GALNTL6: variants seen among roughly 807,000 people sequenced by gnomAD.
The protein encoded by GALNTL6 is polypeptide N-acetylgalactosaminyltransferase like 6.
In GALNTL6, 46 loss-of-function variants were observed where a neutral mutation model predicts 73.7. That is an observed-to-expected ratio of 0.62 (90% CI 0.49 to 0.80). The LOEUF is 0.80. Among genes scored for constraint, GALNTL6 ranks in the 30% least tolerant of loss-of-function variants. The pLI, the probability that GALNTL6 is intolerant of heterozygous loss-of-function variation, is 0.00. For synonymous variants in GALNTL6, 259 were observed against 263.7 expected, an observed-to-expected ratio of 0.98 and a Z score of 0.17; for missense variants, 604 against 755.0, an observed-to-expected ratio of 0.80 and a Z score of 2.34.
intron 3 of GALNTL6, among the ~76,000 whole-genome samples, chr4:172,251,941 C>T (rs1024827206): frequency 5.9e-5 from 9 of 151,912 alleles, no homozygotes; most frequent in African/African-American, 1.2e-4. Flanking sequence ...ACGTGGCTTT[C>T]GATTTATAGA....
At chr4:172,719,848 C>T (rs1482863377) in intron 5 of GALNTL6, among the ~76,000 whole-genome samples, 1 of 152,082 alleles carries the variant, frequency 6.6e-6, no homozygotes, top group African/African-American at 2.4e-5. Context: ...GCTGGCTGCC[C>T]GTTTTTATGG....
At chr4:172,097,302 A>G (rs1001570711) in intron 2 of GALNTL6, among the ~76,000 whole-genome samples, 2 of 152,158 alleles carry the variant, frequency 1.3e-5, no homozygotes, top group Non-Finnish European at 2.9e-5. Flanking sequence ...GCTATCTCTC[A>G]ATATCCTCCT....
intron 8 of GALNTL6, among the ~76,000 whole-genome samples, chr4:172,899,823 C>T (rs2111236232): frequency 6.6e-6 from 1 of 152,286 alleles, no homozygotes; most frequent in African/African-American, 2.4e-5. Context: ...TTCGCGCCTC[C>T]CCTTTTTAGA....
At chr4:171,883,449 C>T (rs1736514136) in intron 2 of GALNTL6, among the ~76,000 whole-genome samples, 1 of 152,108 alleles carries the variant, frequency 6.6e-6, no homozygotes, top group South Asian at 2.1e-4. Flanking sequence ...CTTGTCTCCC[C>T]ATGCATCAGC....
chr4:172,213,717 C>T (rs13123456), intron 2 of GALNTL6, among the ~76,000 whole-genome samples: 2,188 of 152,178 alleles, frequency 0.014, 57 homozygotes, highest in African/African-American at 0.05. Context: ...CTGTAGCTTT[C>T]CATTTTTTAA....
chr4:172,202,961 AAT>A (rs1360552348), intron 2 of GALNTL6, among the ~76,000 whole-genome samples: 2 of 152,216 alleles, frequency 1.3e-5, no homozygotes, highest in African/African-American at 2.4e-5. Flanking sequence ...AGAGGAAAAC[AAT>A]ATGTTTAAGT....
chr4:172,484,121 C>T (rs1185471176), intron 5 of GALNTL6, among the ~76,000 whole-genome samples: 2 of 152,108 alleles, frequency 1.3e-5, no homozygotes, highest in East Asian at 3.9e-4. Flanking sequence ...TGTTTTGAAA[C>T]AGATTCCTTT....
chr4:172,104,107 C>G (rs1579142623), intron 2 of GALNTL6, among the ~76,000 whole-genome samples: 1 of 152,000 alleles, frequency 6.6e-6, no homozygotes, highest in Non-Finnish European at 1.5e-5. Context: ...CCACGCCTGG[C>G]TAATTTTTTT....
intron 2 of GALNTL6, among the ~76,000 whole-genome samples, chr4:171,962,765 CT>C (rs139917729): frequency 7.0e-5 from 8 of 113,802 alleles, no homozygotes; most frequent in African/African-American, 1.4e-4. Flanking sequence ...CTTGCTTTTA[CT>C]TTTTTTTTTT....
chr4:172,537,382 GTGAGTGAGTT>G (rs1173523991), intron 5 of GALNTL6, among the ~76,000 whole-genome samples: 1 of 152,164 alleles, frequency 6.6e-6, no homozygotes, highest in Non-Finnish European at 1.5e-5. Context: ...TCTCATGATA[GTGAGTGAGTT>G]TCACAAGGTC....
chr4:172,192,830 C>T (rs964751986), intron 2 of GALNTL6, among the ~76,000 whole-genome samples: 1 of 152,134 alleles, frequency 6.6e-6, no homozygotes, highest in Non-Finnish European at 1.5e-5. Flanking sequence ...TGCCTGCAAC[C>T]ACTGTGGCTC....
intron 2 of GALNTL6, among the ~76,000 whole-genome samples, chr4:172,066,188 C>T (rs1246949695): frequency 9.9e-5 from 15 of 152,144 alleles, no homozygotes; most frequent in Admixed American, 9.8e-4. Context: ...CATATATCCA[C>T]TATTATAGTA....
intron 2 of GALNTL6, among the ~76,000 whole-genome samples, chr4:172,064,564 A>T (rs941464169): frequency 1.3e-5 from 2 of 152,180 alleles, no homozygotes; most frequent in African/African-American, 4.8e-5. Context: ...TCTGACCTAG[A>T]ATGGGTACAA....
intron 2 of GALNTL6, among the ~76,000 whole-genome samples, chr4:171,842,540 G>A (rs1330070438): frequency 6.6e-6 from 1 of 152,084 alleles, no homozygotes; most frequent in Non-Finnish European, 1.5e-5. Context: ...AGGGAGCATG[G>A]TGCTGTCATC....
chr4:172,629,294 G>T (rs1483990998), intron 5 of GALNTL6, among the ~76,000 whole-genome samples: 1 of 151,938 alleles, frequency 6.6e-6, no homozygotes, highest in African/African-American at 2.4e-5. Context: ...ATTTTTGAAG[G>T]TTCCTAAGAT....
intron 5 of GALNTL6, among the ~76,000 whole-genome samples, chr4:172,365,371 T>TCA (rs1742519366): frequency 6.6e-6 from 1 of 152,130 alleles, no homozygotes; most frequent in Admixed American, 6.5e-5. Context: ...ATGTCATTTG[T>TCA]GGTTCATGGT....
At chr4:172,552,832 T>G (rs1222182432) in intron 5 of GALNTL6, among the ~76,000 whole-genome samples, 1 of 17,234 alleles carries the variant, frequency 5.8e-5, no homozygotes, top group Non-Finnish European at 9.0e-5. Flanking sequence ...CAAAAGTAAT[T>G]GCAGTAAAAA....
At chr4:172,587,904 C>T (rs1258948726) in intron 5 of GALNTL6, among the ~76,000 whole-genome samples, 1 of 152,188 alleles carries the variant, frequency 6.6e-6, no homozygotes, top group Non-Finnish European at 1.5e-5. Flanking sequence ...TGGCATTTAT[C>T]TTTGAAAATT....
At chr4:172,336,340 G>A (rs1208387234) in intron 4 of GALNTL6, among the ~76,000 whole-genome samples, 2 of 125,034 alleles carry the variant, frequency 1.6e-5, no homozygotes, top group East Asian at 5.4e-4. Context: ...ACTCCATCTC[G>A]GCTCACTGCA....
Sources: allele counts gnomAD v4.1 joint callset (sites outside exome capture counted in the v4.1 genomes callset), GRCh38; gene constraint gnomAD v4.1.1; transcripts MANE v1.5; gene names NCBI Gene and HGNC (gene_info 2026-07-23, HGNC 2026-07-21).